ACMSD: variants seen among roughly 807,000 people sequenced by gnomAD.
ACMSD encodes the protein 2-amino-3-carboxymuconate-6-semialdehyde decarboxylase.
ACMSD carries 37 observed loss-of-function variants against 45.9 expected under a neutral mutation model. The observed-to-expected ratio is 0.81, with a 90% CI of 0.62 to 1.06. The LOEUF (loss-of-function observed/expected upper bound fraction) is 1.06. Among genes scored for constraint, ACMSD ranks in the 50% least tolerant of loss-of-function variants. ACMSD has a pLI of 0.00. For missense variants in ACMSD, 434 were observed against 420.9 expected (o/e 1.03, Z -0.27); for synonymous variants, 138 against 148.8 (o/e 0.93, Z 0.53).
chr2:134,872,687 T>G lies in ACMSD; in HGVS notation c.849+46T>G, dbSNP rs770896282. 2.5e-6 allele frequency: 4 copies of G among 1,602,904 alleles called. No homozygotes were observed. In the South Asian group the frequency reaches 4.4e-5, roughly 18 times the overall value. The stretch of plus-strand genomic sequence containing the variant: ...GGATGGCTTATGGGGAGCAGAATGC[T>G]GCATCAGCAACCCATTCTCTCTCCT... On this transcript the variant is annotated intron_variant, in intron 8 of 9. Coordinates refer to ENST00000356140, the MANE Select transcript of ACMSD (RefSeq NM_138326.3).
chr2:134,859,586 T>C lies in ACMSD; in HGVS notation c.199+229T>C, dbSNP rs115827751. On this transcript the variant is annotated intron_variant, in intron 3 of 9. Transcript: ENST00000356140. ...TACCCTGTTTTAAAATAGAATGCTA[T>C]ATCATGAAAAAGATAAAAATGGCAT... The C allele has an allele frequency of 8.1e-3, 3,157 of 390,744 alleles. 95 individuals carry two copies. Among genetic ancestry groups the C allele is most frequent in the African/African-American group, 0.058 (2,865 of 49,432 alleles). The allele number at this position is 390,744 out of a possible 1,614,324, so 24.2% of individuals were successfully genotyped here.
At chr2:134,847,443 G>GATAGATAGATAGATAGGTAGAT (rs1553508808) in intron 2 of ACMSD, among the ~76,000 whole-genome samples, 1 of 142,302 alleles carries the variant, frequency 7.0e-6, no homozygotes, top group African/African-American at 2.6e-5. Context: ...TAGATAGATA[G>GATAGATAGATAGATAGGTAGAT]ATAGATATAG....
At chr2:134,851,504 T>C (rs1480382154) in intron 2 of ACMSD, among the ~76,000 whole-genome samples, 1 of 152,038 alleles carries the variant, frequency 6.6e-6, no homozygotes, top group Admixed American at 6.6e-5. Flanking sequence ...AGTGCAGTGG[T>C]GTGATCTCGA....
At chr2:134,872,350 A>T in intron 7 of ACMSD, 119 bp from the exon 8 acceptor site, 1 of 1,078,906 alleles carries the variant, frequency 9.3e-7, no homozygotes, top group Non-Finnish European at 1.4e-6. Context: ...AGAACACAAT[A>T]GGTCCTCTGT....
In ACMSD at chr2:134,863,618, T is replaced by TA. The variant is rs1254314688; in HGVS notation, c.473_474insA (p.Phe158LeufsTer56). ...TGGGACCTGAACGCGCAGGAGCTCT[T>TA]TCCTGTCTATGCGGTGAGTAGCGGG... On this transcript the variant is annotated frameshift_variant, in exon 5 of 10. Coordinates refer to ENST00000356140, the MANE Select transcript of ACMSD (RefSeq NM_138326.3). LOFTEE classifies it high-confidence loss of function. The TA allele has an allele frequency of 1.2e-6, 2 of 1,614,026 alleles. No homozygotes were observed. Among genetic ancestry groups the TA allele is most frequent in the Non-Finnish European group, 1.7e-6 (2 of 1,180,024 alleles).
chr2:134,860,692 C>T (rs1219547841), intron 3 of ACMSD, among the ~76,000 whole-genome samples: 1 of 151,796 alleles, frequency 6.6e-6, no homozygotes, highest in African/African-American at 2.4e-5. Flanking sequence ...TTGTAGATAC[C>T]TTTGTCCAGG....
intron 8 of ACMSD, among the ~76,000 whole-genome samples, chr2:134,881,159 C>G (rs1200148462): frequency 6.6e-6 from 1 of 152,156 alleles, no homozygotes; most frequent in African/African-American, 2.4e-5. Flanking sequence ...AGCCAGAACA[C>G]CTGGCTAATT....
intron 2 of ACMSD, among the ~76,000 whole-genome samples, chr2:134,855,237 G>A (rs893237312): frequency 6.6e-6 from 1 of 152,114 alleles, no homozygotes; most frequent in Admixed American, 6.6e-5. Context: ...AGTATCTGTG[G>A]AATCAAGCTC....
At position 134,840,194 on chromosome 2, in the gene ACMSD, C is replaced by CCA. The variant is rs1553507444; in HGVS notation, c.57+1457_57+1458dup. ...AAAAAAAAAAAAAAAAAAAAAAAAA[C>CCA]CACTAATTCCTCTGTTACAGCTTTT... On this transcript the variant is annotated intron_variant, in intron 1 of 9. Transcript: ENST00000356140. Among the ~76,000 whole-genome samples the CCA allele has an allele frequency of 3.2e-3, 219 of 68,742 alleles. 9 individuals are homozygous for CCA. The highest frequency in any genetic ancestry group is 0.012 in the African/African-American group (206 of 16,658). The allele number at this position is 68,742 out of a possible 152,430, so 45.1% of individuals were successfully genotyped here. A position where few individuals can be genotyped will look rare whatever the true frequency, so the allele number is the denominator to read the frequency against.
intron 9 of ACMSD, among the ~76,000 whole-genome samples, chr2:134,900,726 G>A (rs975501802): frequency 6.6e-6 from 1 of 152,162 alleles, no homozygotes; most frequent in Non-Finnish European, 1.5e-5. Flanking sequence ...GATAAGGGGG[G>A]ACTGCTGTAT....
intron 8 of ACMSD, among the ~76,000 whole-genome samples, chr2:134,896,771 G>A (rs1690175290): frequency 2.0e-5 from 3 of 152,102 alleles, no homozygotes; most frequent in South Asian, 2.1e-4. Flanking sequence ...CACCATATGC[G>A]CCAGCACTTC....
intron 1 of ACMSD, among the ~76,000 whole-genome samples, chr2:134,842,404 TC>T (rs1350752357): frequency 6.6e-6 from 1 of 152,154 alleles, no homozygotes; most frequent in Non-Finnish European, 1.5e-5. Flanking sequence ...TTCATGGCTC[TC>T]CTTAGTTCTG....
chr2:134,867,162 A>T (rs760978171), intron 5 of ACMSD, among the ~76,000 whole-genome samples: 6 of 152,166 alleles, frequency 3.9e-5, no homozygotes, highest in Non-Finnish European at 7.4e-5. Flanking sequence ...ATACAATCTC[A>T]GCAGTCCTTC....
intron 2 of ACMSD, among the ~76,000 whole-genome samples, chr2:134,849,002 C>T (rs1687207184): frequency 6.6e-6 from 1 of 152,160 alleles, no homozygotes; most frequent in Non-Finnish European, 1.5e-5. Flanking sequence ...GGATCTGATG[C>T]TCTAAGCTGG....
intron 8 of ACMSD, among the ~76,000 whole-genome samples, chr2:134,884,142 T>C (rs752827009): frequency 1.8e-4 from 27 of 152,196 alleles, no homozygotes; most frequent in Admixed American, 6.5e-5. Flanking sequence ...TATCTACTTG[T>C]ACATAATTAC....
At chr2:134,875,645 C>CA in intron 8 of ACMSD, among the ~76,000 whole-genome samples, 1 of 152,112 alleles carries the variant, frequency 6.6e-6, no homozygotes. Flanking sequence ...GTGAGAAATA[C>CA]AAAAAAATGG....
rs946527173 is a variant in ACMSD at position 134,863,454 on chromosome 2, C to T, written c.309C>T (p.Thr103=). ...TTTTAAACAACGACCTTGCCAGCAC[C>T]GTTGTGAGCTACCCCAGGAGGTTCG... is the stretch of plus-strand genomic sequence containing the variant. The part of the protein sequence containing the change: ...CQLLNNDLAS[T]VVSYPRRFVG... The change falls in exon 5 of 10, where the codon ACC becomes ACT. Residue 103 remains threonine (T), a synonymous_variant. Transcript: ENST00000356140. 8.7e-6 allele frequency: 14 copies of T among 1,614,094 alleles called. No homozygotes were observed. Among genetic ancestry groups the T allele is most frequent in the African/African-American group, 6.7e-5 (5 of 74,932 alleles).
At chr2:134,900,786 T>C (rs1360166126) in intron 9 of ACMSD, among the ~76,000 whole-genome samples, 1 of 152,144 alleles carries the variant, frequency 6.6e-6, no homozygotes, top group Non-Finnish European at 1.5e-5. Flanking sequence ...AAACAAGACT[T>C]GGGAGTTGAG....
Position 134,845,359 on chromosome 2 carries a change from C to T in ACMSD, c.102+82C>T, listed in dbSNP as rs1165325023. On this transcript the variant is annotated intron_variant, in intron 2 of 9. Transcript: ENST00000356140. The stretch of plus-strand genomic sequence containing the variant: ...GATACCTCACTGCAGGCTGGGCCTC[C>T]AGGGAACCCCACTCTTCTGCCCATG... 3 of 1,448,930 alleles carry T rather than the reference C, an allele frequency of 2.1e-6. No homozygotes were observed. In the African/African-American group the frequency reaches 4.2e-5, roughly 20 times the overall value. The allele number at this position is 1,448,930 out of a possible 1,614,324, so 89.8% of individuals were successfully genotyped here.
Sources: gnomAD v4.1 joint callset for allele counts (sites outside exome capture counted in the v4.1 genomes callset) on GRCh38, gnomAD v4.1.1 for gene constraint, MANE v1.5 for transcripts, NCBI Gene and HGNC (gene_info 2026-07-23, HGNC 2026-07-21) for gene names.